LRIG2: variants seen among roughly 807,000 people sequenced by gnomAD.
LRIG2 encodes the protein leucine rich repeats and immunoglobulin like domains 2.
In LRIG2, 93 loss-of-function variants were observed where a neutral mutation model predicts 107.8. The observed-to-expected ratio is 0.86, with a 90% CI of 0.73 to 1.03. The LOEUF (loss-of-function observed/expected upper bound fraction) is 1.03, where lower values mean the gene tolerates loss of function less well. Ranked by LOEUF, LRIG2 falls within the 50% of genes least tolerant of loss-of-function variation. The probability of loss-of-function intolerance (pLI) is 0.00; values close to 1 mark genes in which losing one functional copy is unlikely to be tolerated. For synonymous variants in LRIG2, 471 were observed against 470.6 expected, an observed-to-expected ratio of 1.00 and a Z score of -0.01; for missense variants, 1,226 against 1,296.0, an observed-to-expected ratio of 0.95 and a Z score of 0.83.
At chr1:113,106,028 GAC>G (rs1654524813) in intron 11 of LRIG2, among the ~76,000 whole-genome samples, 1 of 152,148 alleles carries the variant, frequency 6.6e-6, no homozygotes, top group African/African-American at 2.4e-5. Flanking sequence ...AAGAGATCAA[GAC>G]CATCCTGGCC....
At chr1:113,118,993 T>C (rs1259706947) in intron 16 of LRIG2, among the ~76,000 whole-genome samples, 1 of 152,158 alleles carries the variant, frequency 6.6e-6, no homozygotes, top group Non-Finnish European at 1.5e-5. Flanking sequence ...GTTACTTAAC[T>C]TCTCTGTGCT....
rs770218210 is a variant in LRIG2 at position 113,116,298 on chromosome 1, C to T, written c.2542C>T (p.Leu848=). 2.5e-6 allele frequency: 4 copies of T among 1,612,610 alleles called. No homozygotes were observed. Among genetic ancestry groups the T allele is most frequent in the South Asian group, 2.2e-5 (2 of 90,808 alleles). Reference sequence around the variant, plus strand: ...TGTCTCTTTTACAGAGGAGCTCAATCTGCCTGCAGACATTCCCAGCTACTT... The same window carrying T: ...TGTCTCTTTTACAGAGGAGCTCAATTTGCCTGCAGACATTCCCAGCTACTT... The part of the protein sequence containing the change: ...YSITNTEELN[L]PADIPSYLSS... Residue 848 remains leucine, a synonymous_variant, in exon 16 of 18, where the codon CTG becomes TTG. Coordinates refer to ENST00000361127, the MANE Select transcript of LRIG2 (RefSeq NM_014813.3).
chr1:113,101,213 C>T (rs1030974020), intron 11 of LRIG2, among the ~76,000 whole-genome samples: 6 of 152,060 alleles, frequency 3.9e-5, no homozygotes, highest in South Asian at 2.1e-4. Context: ...GGATTACAGG[C>T]GCCTGCCACC....
At chr1:113,109,653 G>A (rs1454908935) in intron 12 of LRIG2, among the ~76,000 whole-genome samples, 1 of 152,040 alleles carries the variant, frequency 6.6e-6, no homozygotes, top group Non-Finnish European at 1.5e-5. Context: ...CAAGTAGCTG[G>A]GATTACAGGC....
chr1:113,096,468 A>G, intron 8 of LRIG2, 103 bp downstream of exon 8: 2 of 1,263,828 alleles, frequency 1.6e-6, no homozygotes, highest in South Asian at 2.9e-5. Context: ...TCTGTATGCT[A>G]ACATTTTGTG....
intron 13 of LRIG2, 101 bp from the exon 14 acceptor site, chr1:113,112,378 A>G (rs1035974432): frequency 3.8e-5 from 37 of 969,126 alleles, no homozygotes; most frequent in Non-Finnish European, 5.4e-5. Flanking sequence ...ATGGAACATT[A>G]GGGGGTGTCT....
intron 11 of LRIG2, among the ~76,000 whole-genome samples, chr1:113,105,015 A>G (rs1335782297): frequency 2.0e-5 from 3 of 151,978 alleles, no homozygotes; most frequent in Non-Finnish European, 1.5e-5. Flanking sequence ...GCGTGGTGGC[A>G]TGTGCCTGTA....
At chr1:113,077,502 A>G (rs1653035485) in intron 1 of LRIG2, among the ~76,000 whole-genome samples, 1 of 152,178 alleles carries the variant, frequency 6.6e-6, no homozygotes, top group Non-Finnish European at 1.5e-5. Flanking sequence ...TGATTAATTT[A>G]TTGAATTATA....
chr1:113,073,490 C>G lies in LRIG2; in HGVS notation c.84C>G (p.Ala28=). The G allele has an allele frequency of 6.2e-7, 1 of 1,614,184 alleles. No homozygotes were observed. Among genetic ancestry groups the G allele is most frequent in the Non-Finnish European group, 8.5e-7 (1 of 1,180,030 alleles). The change falls in exon 1 of 18, where the codon GCC becomes GCG. Residue 28 remains alanine (A), a synonymous_variant. Coordinates refer to ENST00000361127, the MANE Select transcript of LRIG2 (RefSeq NM_014813.3). ...SRVLSRLLFI[A]QTALLLLPAA... is the part of the protein sequence containing the mutation. ...TGCTTTCTCGGTTACTCTTCATTGC[C>G]CAGACCGCTCTCCTCCTGTTGCCCG... is the stretch of plus-strand genomic sequence containing the variant.
chr1:113,090,786 C>T (rs929589677), intron 1 of LRIG2, among the ~76,000 whole-genome samples: 9 of 151,094 alleles, frequency 6.0e-5, no homozygotes, highest in African/African-American at 7.3e-5. Flanking sequence ...TGCAGTGAGC[C>T]GAGATTGCGC....
intron 14 of LRIG2, 137 bp downstream of exon 14, chr1:113,112,897 A>G: frequency 1.1e-6 from 1 of 906,274 alleles, no homozygotes; most frequent in Non-Finnish European, 1.6e-6. Flanking sequence ...AATTTTATGC[A>G]AGGTTATGTC....
rs1025716979 is a variant in LRIG2 at position 113,128,514 on chromosome 1, C to T, written c.*4413C>T. 1 of 152,132 alleles carries T rather than the reference C, an allele frequency of 6.6e-6. No individual in the cohort carries two copies. The highest frequency in any genetic ancestry group is 1.5e-5 in the Non-Finnish European group (1 of 68,024). 9.4% of individuals were successfully genotyped at this position (152,132 alleles called of 1,614,324 possible). A position where few individuals can be genotyped will look rare whatever the true frequency, so the allele number is the denominator to read the frequency against. ...TTTCCAGCTGTAACATTCTATGAATCTGTAATTCCCTCGAGGAGCTAAGGA... is the reference window on the plus strand; with the variant it reads ...TTTCCAGCTGTAACATTCTATGAATTTGTAATTCCCTCGAGGAGCTAAGGA... On this transcript the variant is annotated 3_prime_UTR_variant, in exon 18 of 18. Coordinates refer to ENST00000361127, the MANE Select transcript of LRIG2 (RefSeq NM_014813.3).
intron 9 of LRIG2, 145 bp downstream of exon 9, chr1:113,098,930 T>C: frequency 1.6e-6 from 1 of 606,726 alleles, no homozygotes; most frequent in Non-Finnish European, 2.9e-6. Flanking sequence ...TCTTTGTTTG[T>C]TTGTTTGTTC....
At position 113,093,284 on chromosome 1, in the gene LRIG2, A is replaced by G. The variant is rs1388204411; in HGVS notation, c.380+4A>G. On this transcript the variant is annotated splice_donor_region_variant and intron_variant, in intron 3 of 17. Coordinates refer to ENST00000361127, the MANE Select transcript of LRIG2 (RefSeq NM_014813.3). ...CTAATATTACTCTACTTTCATTGTA[A>G]GTTAGTAAGTTTTCAGGTTTTTTAC... The G allele has an allele frequency of 6.3e-7, 1 of 1,576,140 alleles. No individual in the cohort carries two copies. The highest frequency in any genetic ancestry group is 1.2e-5 in the South Asian group (1 of 84,860).
Position 113,091,269 on chromosome 1 carries a change from G to A in LRIG2, c.240-49G>A, listed in dbSNP as rs760371672. 2.5e-6 allele frequency: 3 copies of A among 1,205,554 alleles called. No homozygotes were observed. The South Asian group carries it at 4.1e-5, about 17-fold the overall frequency. 74.7% of individuals were successfully genotyped at this position (1,205,554 alleles called of 1,614,324 possible). ...TATTTAGTTTCTTTTTTTTTCTTTA[G>A]GTCTACTTTCCAGGACTAAACTAAG... On this transcript the variant is annotated intron_variant, in intron 1 of 17. Coordinates refer to ENST00000361127, the MANE Select transcript of LRIG2 (RefSeq NM_014813.3).
intron 1 of LRIG2, among the ~76,000 whole-genome samples, 156 bp from the exon 2 acceptor site, chr1:113,091,162 G>A (rs947040916): frequency 6.6e-6 from 1 of 152,056 alleles, no homozygotes; most frequent in Non-Finnish European, 1.5e-5. Flanking sequence ...GACCTCAGGT[G>A]ATCTGCCTGC....
In LRIG2 at chr1:113,119,255, T is replaced by C; in HGVS notation, c.2703T>C (p.Ile901=). The C allele has an allele frequency of 6.2e-7, 1 of 1,612,294 alleles. No individual in the cohort carries two copies. The highest frequency in any genetic ancestry group is 1.1e-5 in the South Asian group (1 of 91,036). ...TAGGTGGCACTGGTACCCGGGTGAT[T>C]TGCTCAGATTGTTATGACAATGCCA... ...GTDGGTGTRV[I]CSDCYDNANI... Residue 901 remains isoleucine (I), a synonymous_variant, in exon 17 of 18, where the codon ATT becomes ATC. Coordinates refer to ENST00000361127, the MANE Select transcript of LRIG2 (RefSeq NM_014813.3).
chr1:113,124,106 C>G lies in LRIG2; in HGVS notation c.*5C>G. On this transcript the variant is annotated 3_prime_UTR_variant, in exon 18 of 18. Transcript: ENST00000361127. ...GATGGTAGTGAGGGCACATGAAACT[C>G]ACTTCAGGATGAAATCTGGGCAGAG... The G allele has an allele frequency of 1.2e-6, 2 of 1,612,458 alleles. No homozygotes were observed. Among genetic ancestry groups the G allele is most frequent in the Non-Finnish European group, 1.7e-6 (2 of 1,178,518 alleles).
intron 8 of LRIG2, among the ~76,000 whole-genome samples, chr1:113,097,493 C>T (rs2101039917): frequency 6.6e-6 from 1 of 152,116 alleles, no homozygotes; most frequent in South Asian, 2.1e-4. Context: ...TTAGATTTGG[C>T]CTTGAAAAAT....
Sources: allele counts gnomAD v4.1 joint callset (sites outside exome capture counted in the v4.1 genomes callset), GRCh38; gene constraint gnomAD v4.1.1; transcripts MANE v1.5; gene names NCBI Gene and HGNC (gene_info 2026-07-23, HGNC 2026-07-21).